The following CACNA1I variants were observed in gnomAD, a reference collection of about 807,000 sequenced individuals.
The protein encoded by CACNA1I is voltage-dependent T-type calcium channel subunit alpha-1I.
In CACNA1I, 74 loss-of-function variants were observed where a neutral mutation model predicts 201.6. That is an observed-to-expected ratio of 0.37 (90% CI 0.30 to 0.45). The LOEUF (loss-of-function observed/expected upper bound fraction) is 0.45. Among genes scored for constraint, CACNA1I ranks in the 20% least tolerant of loss-of-function variants. The pLI is 1.00. For missense variants in CACNA1I, 2,346 were observed against 3,138.1 expected, an observed-to-expected ratio of 0.75 and a Z score of 6.03; for synonymous variants, 1,431 against 1,345.2, an observed-to-expected ratio of 1.06 and a Z score of -1.40.
chr22:39,656,087 C>T (rs1024401975), intron 10 of CACNA1I, among the ~76,000 whole-genome samples: 7 of 152,182 alleles, frequency 4.6e-5, no homozygotes, highest in African/African-American at 1.7e-4. Context: ...GGGTCCTACT[C>T]CTCTTTTGGG....
intron 4 of CACNA1I, among the ~76,000 whole-genome samples, chr22:39,625,028 C>G (rs1309791386): frequency 6.6e-6 from 1 of 151,250 alleles, no homozygotes; most frequent in African/African-American, 2.4e-5. Context: ...CTGCCTCAGT[C>G]TCCCGAGTAG....
intron 4 of CACNA1I, among the ~76,000 whole-genome samples, chr22:39,624,949 C>G (rs1358731840): frequency 1.3e-5 from 2 of 148,342 alleles, no homozygotes; most frequent in African/African-American, 5.0e-5. Context: ...AGCCCTGTCA[C>G]CCAGGCTGGA....
In CACNA1I at chr22:39,629,478, T is replaced by C. The variant is rs1933991658; in HGVS notation, c.581-5087T>C. Among the ~76,000 whole-genome samples the C allele has an allele frequency of 6.6e-6, 1 of 151,974 alleles. No individual in the cohort carries two copies. The highest frequency in any genetic ancestry group is 2.1e-4 in the South Asian group (1 of 4,822). On this transcript the variant is annotated intron_variant, in intron 4 of 36. Coordinates refer to ENST00000402142, the MANE Select transcript of CACNA1I (RefSeq NM_021096.4). This position sits in a 1 kb window ranked among gnomAD's most constrained non-coding sequence, Gnocchi z 4.8. ...CATGTTCCCCACTCCACTGCCATCATTATCTGGGCCCAGCCCCACCATCTT... is the reference window on the plus strand; with the variant it reads ...CATGTTCCCCACTCCACTGCCATCACTATCTGGGCCCAGCCCCACCATCTT...
Position 39,668,272 on chromosome 22 carries a change from C to A in CACNA1I, c.4105-20C>A. ...ACTCACAGTCCTCACCCCTGCATTC[C>A]GCCTCCCCATGTCTCCCAGGCTCTG... On this transcript the variant is annotated intron_variant, in intron 23 of 36. Transcript: ENST00000402142. 1 of 1,547,072 alleles carries A rather than the reference C, an allele frequency of 6.5e-7. No individual in the cohort carries two copies. The highest frequency in any genetic ancestry group is 8.9e-7 in the Non-Finnish European group (1 of 1,119,518).
chr22:39,630,996 A>G lies in CACNA1I; in HGVS notation c.581-3569A>G, dbSNP rs1045716676. Among the ~76,000 whole-genome samples, 25 of 152,122 alleles carry G rather than the reference A, an allele frequency of 1.6e-4. 1 individual carries two copies. The highest frequency in any genetic ancestry group is 5.3e-4 in the African/African-American group (22 of 41,416). ...AGGGAGGATGGAGGGAGGTGGGGCC[A>G]GACTCGGGAGGAGTCTGTGAGCAGG... is the stretch of plus-strand genomic sequence containing the variant. On this transcript the variant is annotated intron_variant, in intron 4 of 36. Transcript: ENST00000402142.
chr22:39,617,865 TC>T (rs1266025819), intron 3 of CACNA1I, among the ~76,000 whole-genome samples: 5 of 132,298 alleles, frequency 3.8e-5, no homozygotes, highest in South Asian at 5.5e-4. Context: ...CTCTGCCAGC[TC>T]CCCCCTCCCT....
chr22:39,599,395 G>C (rs1368512961), intron 2 of CACNA1I, among the ~76,000 whole-genome samples: 3 of 142,428 alleles, frequency 2.1e-5, no homozygotes, highest in Non-Finnish European at 4.6e-5. Flanking sequence ...CGAGGCGGGC[G>C]GATCACGAGG....
chr22:39,599,433 A>C (rs895982323), intron 2 of CACNA1I, among the ~76,000 whole-genome samples: 5 of 139,322 alleles, frequency 3.6e-5, no homozygotes, highest in Non-Finnish European at 6.3e-5. Context: ...TCCCGGCTAA[A>C]ATGGTGAAAC....
intron 3 of CACNA1I, among the ~76,000 whole-genome samples, chr22:39,619,067 T>G (rs1472511229): frequency 2.0e-5 from 3 of 152,170 alleles, no homozygotes; most frequent in South Asian, 2.1e-4. Flanking sequence ...GAGCCCAACA[T>G]CTGTGCTCCC....
Position 39,601,027 on chromosome 22 carries a change from G to A in CACNA1I, c.482+374G>A, listed in dbSNP as rs182380358. Among the ~76,000 whole-genome samples, 11 of 152,214 alleles carry A rather than the reference G, an allele frequency of 7.2e-5. No individual in the cohort carries two copies. The East Asian group carries it at 1.5e-3, about 21-fold the overall frequency. On this transcript the variant is annotated intron_variant, in intron 3 of 36. Transcript: ENST00000402142. ...ATTGCTATCCTGGATCTCTCATCAC[G>A]CCAGAGACCGAGCACAGACTCAAGC...
chr22:39,689,468 G>GTGT lies in CACNA1I; in HGVS notation c.*3063_*3064insTGT, dbSNP rs1461848225. The stretch of plus-strand genomic sequence containing the variant: ...TACACATACTCTTTTTTGTCTTTGT[G>GTGT]CAATAATCAGTGTTCCTGGCAGAGC... On this transcript the variant is annotated 3_prime_UTR_variant, in exon 37 of 37. Coordinates refer to ENST00000402142, the MANE Select transcript of CACNA1I (RefSeq NM_021096.4). 6.5e-6 allele frequency: 1 copy of GTGT among 152,710 alleles called. No homozygotes were observed. Among genetic ancestry groups the GTGT allele is most frequent in the Non-Finnish European group, 1.5e-5 (1 of 68,096 alleles). 9.5% of individuals were successfully genotyped at this position (152,710 alleles called of 1,614,324 possible).
chr22:39,669,356 C>A (rs1009263958), intron 24 of CACNA1I, among the ~76,000 whole-genome samples: 2 of 152,234 alleles, frequency 1.3e-5, no homozygotes, highest in Non-Finnish European at 2.9e-5. Flanking sequence ...TGTCTCCTCA[C>A]CCCCACCAGT....
intron 1 of CACNA1I, among the ~76,000 whole-genome samples, chr22:39,584,206 A>G (rs1932669906): frequency 1.3e-5 from 2 of 152,102 alleles, no homozygotes; most frequent in South Asian, 4.1e-4. Flanking sequence ...AGTGGGCAGA[A>G]AGGAAGGGTT....
chr22:39,592,259 G>T (rs979110844), intron 1 of CACNA1I, among the ~76,000 whole-genome samples: 3 of 152,210 alleles, frequency 2.0e-5, no homozygotes, highest in African/African-American at 7.2e-5. Context: ...AGGGCTGCCC[G>T]TCAGGGATCT....
At chr22:39,600,426 A>G in intron 2 of CACNA1I, 94 bp from the exon 3 acceptor site, 2 of 1,032,448 alleles carry the variant, frequency 1.9e-6, no homozygotes, top group Non-Finnish European at 1.5e-6. Flanking sequence ...CCTTGCATCC[A>G]TGTGGTGTCC....
Position 39,670,878 on chromosome 22 carries a change from A to T in CACNA1I, c.4463A>T (p.Tyr1488Phe). 6.2e-7 allele frequency: 1 copy of T among 1,613,808 alleles called. No homozygotes were observed. Among genetic ancestry groups the T allele is most frequent in the Non-Finnish European group, 8.5e-7 (1 of 1,179,824 alleles). Residue 1488 changes from tyrosine to phenylalanine, a missense_variant, in exon 26 of 37, where the codon TAC becomes TTC. Coordinates refer to ENST00000402142, the MANE Select transcript of CACNA1I (RefSeq NM_021096.4). The stretch of plus-strand genomic sequence containing the variant: ...ATCCACTCCATGTGCACCAGCCACT[A>T]CCTGGACATCTTCATCACCTTCATC... ...LLIHSMCTSHYLDIFITFIIC... is the reference protein window; with the variant it reads ...LLIHSMCTSHFLDIFITFIIC...
At chr22:39,661,843 C>T in intron 16 of CACNA1I, 122 bp from the exon 17 acceptor site, 1 of 602,410 alleles carries the variant, frequency 1.7e-6, no homozygotes, top group Non-Finnish European at 2.8e-6. Context: ...CCCATTCCAT[C>T]ACCCGCTGGC....
At chr22:39,656,302 G>A (rs1014429489) in intron 10 of CACNA1I, 53 of 462,516 alleles carry the variant, frequency 1.1e-4, no homozygotes, top group Admixed American at 1.4e-4. Context: ...CTGATGGAGG[G>A]GCTCCTGCTC....
intron 33 of CACNA1I, among the ~76,000 whole-genome samples, chr22:39,680,506 C>G (rs1250404971): frequency 1.3e-5 from 2 of 152,226 alleles, no homozygotes; most frequent in Non-Finnish European, 2.9e-5. Context: ...GTGGTGGCTG[C>G]AGATTCTCCG....
Sources: gnomAD v4.1 joint callset for allele counts (sites outside exome capture counted in the v4.1 genomes callset) on GRCh38, gnomAD v4.1.1 for gene constraint, Gnocchi (gnomAD v3.1) non-coding constraint, MANE v1.5 for transcripts, NCBI Gene and HGNC (gene_info 2026-07-23, HGNC 2026-07-21) for gene names.